The following NECTIN3 variants were observed in gnomAD, a reference collection of about 807,000 sequenced individuals.
NECTIN3 encodes the protein nectin-3.
Under a neutral mutation model 49.4 loss-of-function variants are expected in NECTIN3, and 8 were observed. The ratio of observed to expected loss-of-function variants is 0.16; its 90% CI spans 0.10 to 0.29. NECTIN3 has a LOEUF of 0.29. Among genes scored for constraint, NECTIN3 ranks in the 10% least tolerant of loss-of-function variants. The pLI is 1.00. For missense variants in NECTIN3, 581 were observed against 654.6 expected (o/e 0.89, Z 1.23); for synonymous variants, 277 against 241.1 (o/e 1.15, Z -1.38).
At position 111,171,905 on chromosome 3, in the gene NECTIN3, A is replaced by T. The variant is rs547033457; in HGVS notation, c.1222-20446A>T. On this transcript the variant is annotated intron_variant, in intron 7 of 8. Transcript: ENST00000493615. ...TGAAGTAGATTATTTTCAACATTTTATGAAATAAAGAAACATTGAGGCATT... is the reference window on the plus strand; with the variant it reads ...TGAAGTAGATTATTTTCAACATTTTTTGAAATAAAGAAACATTGAGGCATT... 6.6e-5 allele frequency among the ~76,000 whole-genome samples: 10 copies of T among 152,356 alleles called. No individual in the cohort carries two copies. In the East Asian group the frequency reaches 1.9e-3, roughly 29 times the overall value.
chr3:111,139,038 T>G (rs1184706099), downstream of NECTIN3, among the ~76,000 whole-genome samples: 2 of 151,684 alleles, frequency 1.3e-5, no homozygotes, highest in East Asian at 1.9e-4. Context: ...TGGACCTCCA[T>G]GTACTAGCTT....
intron 1 of NECTIN3, among the ~76,000 whole-genome samples, chr3:111,103,769 A>T (rs1324859242): frequency 6.6e-6 from 1 of 152,126 alleles, no homozygotes; most frequent in African/African-American, 2.4e-5. Context: ...ATTAAGTATG[A>T]TGTTGGCTGT....
chr3:111,072,125 A>C lies in NECTIN3; in HGVS notation c.108A>C (p.Pro36=), dbSNP rs992593218. 1 of 1,549,344 alleles carries C rather than the reference A, an allele frequency of 6.5e-7. No individual in the cohort carries two copies. The highest frequency in any genetic ancestry group is 1.4e-5 in the African/African-American group (1 of 72,690). Residue 36 remains proline (P), a synonymous_variant, in exon 1 of 6, where the codon CCA becomes CCC. Transcript: ENST00000485303. ...GAGLLLQPPT[P]PPLLLLLFPL... is the part of the protein sequence containing the mutation. ...GGCTCCTGCTGCAGCCCCCGACGCC[A>C]CCTCCGCTGCTGCTGCTGCTCTTCC...
chr3:111,091,261 A>G (rs116406988), intron 1 of NECTIN3, among the ~76,000 whole-genome samples: 1,946 of 151,790 alleles, frequency 0.013, 18 homozygotes, highest in South Asian at 0.022. Flanking sequence ...TTATTTGTTT[A>G]TTTATTTTTT....
At chr3:111,153,190 A>G (rs1356041803) in intron 7 of NECTIN3, among the ~76,000 whole-genome samples, 1 of 151,848 alleles carries the variant, frequency 6.6e-6, no homozygotes, top group Non-Finnish European at 1.5e-5. Context: ...TATTGCCTTC[A>G]GTTAGTAAGT....
intron 7 of NECTIN3, among the ~76,000 whole-genome samples, chr3:111,177,664 T>C (rs1030383067): frequency 6.6e-6 from 1 of 152,208 alleles, no homozygotes; most frequent in African/African-American, 2.4e-5. Context: ...ATGGGAAAAT[T>C]TGGAGATAAA....
At chr3:111,145,748 G>A (rs1330946652) in intron 6 of NECTIN3, among the ~76,000 whole-genome samples, 1 of 152,286 alleles carries the variant, frequency 6.6e-6, no homozygotes, top group East Asian at 1.9e-4. Context: ...AAACTGTGAA[G>A]CTCTTTACAA....
intron 7 of NECTIN3, among the ~76,000 whole-genome samples, chr3:111,169,617 T>C (rs2035396907): frequency 1.3e-5 from 2 of 152,150 alleles, no homozygotes; most frequent in Admixed American, 1.3e-4. Context: ...TTCACTTCCA[T>C]GGTCTAATGT....
chr3:111,148,165 A>G (rs1434986161), intron 7 of NECTIN3, among the ~76,000 whole-genome samples: 2 of 152,216 alleles, frequency 1.3e-5, no homozygotes, highest in South Asian at 2.1e-4. Context: ...GGCATAGTCT[A>G]TAATACTTTC....
chr3:111,123,923 A>C (rs1169169587), intron 4 of NECTIN3, among the ~76,000 whole-genome samples: 1 of 152,056 alleles, frequency 6.6e-6, no homozygotes, highest in African/African-American at 2.4e-5. Context: ...TTGTTTTTTA[A>C]ATCTATTTTC....
intron 1 of NECTIN3, among the ~76,000 whole-genome samples, chr3:111,074,507 T>C (rs978273631): frequency 1.3e-5 from 2 of 152,138 alleles, no homozygotes; most frequent in African/African-American, 4.8e-5. Flanking sequence ...ATGTTTGATA[T>C]ATAGCGTGGC....
At chr3:111,144,979 A>G (rs901553050) in exon 6 of NECTIN3, 11 of 1,536,322 alleles carry the variant, frequency 7.2e-6, no homozygotes, top group Middle Eastern at 1.7e-4. Flanking sequence ...CATCATTGCT[A>G]TCTTTGTGAC....
At chr3:111,184,022 A>G (rs1214681622) in intron 7 of NECTIN3, among the ~76,000 whole-genome samples, 2 of 152,128 alleles carry the variant, frequency 1.3e-5, no homozygotes, top group Admixed American at 1.3e-4. Flanking sequence ...TACTAAGACT[A>G]TATTCAATTT....
Position 111,072,030 on chromosome 3 carries a change from C to G in NECTIN3, c.13C>G (p.Leu5Val). 2.0e-6 allele frequency: 3 copies of G among 1,533,626 alleles called. No individual in the cohort carries two copies. The highest frequency in any genetic ancestry group is 2.6e-6 in the Non-Finnish European group (3 of 1,139,844). MART[L>V]RPSPLCPGGG... ...GGGAGGGTGGGGGATGGCGCGGACC[C>G]TGCGGCCGTCCCCGCTGTGTCCTGG... Residue 5 changes from leucine (L) to valine (V), a missense_variant, in exon 1 of 6, where the codon CTG becomes GTG. Leu to Val is a conservative substitution (Grantham distance 32). Around this residue, in one of 3 missense-constraint regions of NECTIN3, gnomAD observed 109 missense variants for 69.1 expected, o/e 1.58. Coordinates refer to ENST00000485303, the MANE Select transcript of NECTIN3 (RefSeq NM_015480.3).
upstream of NECTIN3, among the ~76,000 whole-genome samples, chr3:111,191,311 C>T (rs540694036): frequency 3.9e-5 from 6 of 152,152 alleles, no homozygotes; most frequent in South Asian, 8.3e-4. Context: ...AAGTATTATA[C>T]GTATAAAGAT....
chr3:111,141,145 C>T (rs1307308293), downstream of NECTIN3, among the ~76,000 whole-genome samples: 2 of 151,692 alleles, frequency 1.3e-5, no homozygotes, highest in South Asian at 2.1e-4. Context: ...AGTAGTGAGA[C>T]ATAAATGTTC....
chr3:111,097,361 G>C (rs569881744), intron 1 of NECTIN3, among the ~76,000 whole-genome samples: 57 of 152,316 alleles, frequency 3.7e-4, no homozygotes, highest in Non-Finnish European at 6.6e-4. Flanking sequence ...AGGCAGAAGG[G>C]ACTTGCCTTG....
chr3:111,102,152 T>C (rs1424163082), intron 1 of NECTIN3, among the ~76,000 whole-genome samples: 1 of 152,128 alleles, frequency 6.6e-6, no homozygotes, highest in Non-Finnish European at 1.5e-5. Flanking sequence ...GGAGCAAGGG[T>C]TGGGATGTGG....
Position 111,134,445 on chromosome 3 carries a change from T to C in NECTIN3, c.*230T>C. 1 of 1,203,580 alleles carries C rather than the reference T, an allele frequency of 8.3e-7. No individual in the cohort carries two copies. The highest frequency in any genetic ancestry group is 1.0e-6 in the Non-Finnish European group (1 of 967,128). The allele number at this position is 1,203,580 out of a possible 1,614,324, so 74.6% of individuals were successfully genotyped here. ...TACTACTGTCTCAAGATTTAAATTT[T>C]AATGCAGAGTACTTTATTGGTGTGA... On this transcript the variant is annotated 3_prime_UTR_variant, in exon 6 of 6. Transcript: ENST00000485303.
Sources: allele counts gnomAD v4.1 joint callset (sites outside exome capture counted in the v4.1 genomes callset), GRCh38; gene constraint gnomAD v4.1.1; regional missense constraint gnomAD v4.1.1; transcripts MANE v1.5; gene names NCBI Gene and HGNC (gene_info 2026-07-23, HGNC 2026-07-21).